MAP4K3: variants seen among roughly 807,000 people sequenced by gnomAD.
MAP4K3 encodes the protein mitogen-activated protein kinase kinase kinase kinase 3.
MAP4K3 carries 94 observed loss-of-function variants against 143.5 expected under a neutral mutation model. The ratio of observed to expected loss-of-function variants is 0.65; its 90% CI spans 0.55 to 0.78. The LOEUF (loss-of-function observed/expected upper bound fraction) is 0.78, where lower values mean the gene tolerates loss of function less well. Ranked by LOEUF, MAP4K3 falls within the 30% of genes least tolerant of loss-of-function variation. MAP4K3 has a pLI of 0.00. For missense variants in MAP4K3, 1,077 were observed against 1,068.1 expected (o/e 1.01, Z -0.12); for synonymous variants, 416 against 347.2 (o/e 1.20, Z -2.20).
intron 12 of MAP4K3, among the ~76,000 whole-genome samples, chr2:39,325,294 GC>G (rs1168716062): frequency 6.6e-6 from 1 of 152,118 alleles, no homozygotes; most frequent in African/African-American, 2.4e-5. Context: ...ATATGCCTTT[GC>G]CATTTTCACA....
intron 17 of MAP4K3, 152 bp downstream of exon 17, chr2:39,293,078 C>T (rs1050035573): frequency 2.8e-6 from 2 of 714,376 alleles, no homozygotes; most frequent in African/African-American, 3.6e-5. Context: ...GATCATACCA[C>T]TGCAATCCAG....
Position 39,356,359 on chromosome 2 carries a change from T to C in MAP4K3, c.155-20A>G, listed in dbSNP as rs1227029193. 7.2e-7 allele frequency: 1 copy of C among 1,384,800 alleles called. No homozygotes were observed. Among genetic ancestry groups the C allele is most frequent in the East Asian group, 2.3e-5 (1 of 43,390 alleles). 85.8% of individuals were successfully genotyped at this position (1,384,800 alleles called of 1,614,324 possible). A position where few individuals can be genotyped will look rare whatever the true frequency, so the allele number is the denominator to read the frequency against. On this transcript the variant is annotated intron_variant, in intron 2 of 33. Coordinates refer to ENST00000263881, the MANE Select transcript of MAP4K3 (RefSeq NM_003618.4). The stretch of plus-strand genomic sequence containing the variant: ...CTTCTCCTGGAATAAAAAACAAGCA[T>C]GTTGAATATTTAGAGGTAAGTTTCA...
At position 39,418,202 on chromosome 2, in the gene MAP4K3, C is replaced by CA. The variant is rs60060164; in HGVS notation, c.96+18689dup. Among the ~76,000 whole-genome samples, 600 of 113,038 alleles carry CA rather than the reference C, an allele frequency of 5.3e-3. 8 individuals are homozygous for CA. The highest frequency in any genetic ancestry group is 0.019 in the African/African-American group (581 of 30,940). 74.2% of individuals were successfully genotyped at this position (113,038 alleles called of 152,430 possible). A position where few individuals can be genotyped will look rare whatever the true frequency, so the allele number is the denominator to read the frequency against. ...CTGGTAACAGAACAAGACTCCGTCT[C>CA]AAAAAAAAAAAAAAAACAAATGATG... On this transcript the variant is annotated intron_variant, in intron 1 of 33. Transcript: ENST00000263881.
chr2:39,314,480 T>G (rs763444391), intron 13 of MAP4K3, among the ~76,000 whole-genome samples: 4 of 152,222 alleles, frequency 2.6e-5, no homozygotes, highest in Non-Finnish European at 5.9e-5. Flanking sequence ...AAACGTGACT[T>G]CAGCAGGAGC....
chr2:39,337,752 GTTT>G (rs570853243), intron 4 of MAP4K3, among the ~76,000 whole-genome samples, 171 bp from the exon 5 acceptor site: 1 of 70,512 alleles, frequency 1.4e-5, no homozygotes, highest in African/African-American at 6.1e-5. Flanking sequence ...CCTGGCTCCA[GTTT>G]TTTTTTTTTT....
intron 13 of MAP4K3, among the ~76,000 whole-genome samples, chr2:39,312,553 C>A (rs1682977496): frequency 6.6e-6 from 1 of 152,046 alleles, no homozygotes; most frequent in Admixed American, 6.5e-5. Flanking sequence ...GAATATTTAG[C>A]AATAGGAGGC....
rs1427460897 is a variant in MAP4K3 at position 39,362,629 on chromosome 2, G to A, written c.155-6290C>T. On this transcript the variant is annotated intron_variant, in intron 2 of 33. Transcript: ENST00000263881. Reference sequence around the variant, plus strand: ...TTAAAATGTTCGTACTACCCAATGCGATCTACAAATTCAATGTAATCTGGA... The same window carrying A: ...TTAAAATGTTCGTACTACCCAATGCAATCTACAAATTCAATGTAATCTGGA... 3.3e-5 allele frequency among the ~76,000 whole-genome samples: 5 copies of A among 152,112 alleles called. No homozygotes were observed. The East Asian group carries it at 9.6e-4, about 29-fold the overall frequency.
intron 2 of MAP4K3, among the ~76,000 whole-genome samples, chr2:39,357,726 T>C (rs1207816465): frequency 1.3e-5 from 2 of 152,238 alleles, no homozygotes; most frequent in East Asian, 3.8e-4. Context: ...CCTGATTTTC[T>C]GTATATTAGA....
intron 1 of MAP4K3, among the ~76,000 whole-genome samples, chr2:39,398,119 A>C (rs1259046115): frequency 6.6e-6 from 1 of 152,224 alleles, no homozygotes; most frequent in Non-Finnish European, 1.5e-5. Flanking sequence ...TTCACCTAGC[A>C]AACACCCTTC....
At chr2:39,406,908 G>A (rs1667112381) in intron 1 of MAP4K3, among the ~76,000 whole-genome samples, 1 of 152,148 alleles carries the variant, frequency 6.6e-6, no homozygotes, top group Non-Finnish European at 1.5e-5. Flanking sequence ...ATTGAGGCTA[G>A]CATTATTCTG....
chr2:39,264,581 A>G (rs1223933721), intron 28 of MAP4K3, among the ~76,000 whole-genome samples: 2 of 152,198 alleles, frequency 1.3e-5, no homozygotes, highest in Non-Finnish European at 1.5e-5. Flanking sequence ...CACTCAGTCC[A>G]TATATAATAG....
chr2:39,258,109 T>G (rs557310950), intron 31 of MAP4K3, among the ~76,000 whole-genome samples: 1 of 152,234 alleles, frequency 6.6e-6, no homozygotes, highest in East Asian at 1.9e-4. Context: ...TTTTTGTATT[T>G]TTAGTAGACA....
intron 1 of MAP4K3, among the ~76,000 whole-genome samples, chr2:39,432,809 G>A (rs571205314): frequency 6.6e-6 from 1 of 152,030 alleles, no homozygotes; most frequent in African/African-American, 2.4e-5. Context: ...AGCTTTCACA[G>A]ACACTTTAAA....
At chr2:39,374,956 C>G (rs1666178196) in intron 2 of MAP4K3, among the ~76,000 whole-genome samples, 1 of 152,070 alleles carries the variant, frequency 6.6e-6, no homozygotes, top group Admixed American at 6.5e-5. Flanking sequence ...AAATGGAAGA[C>G]TAGCCATCAA....
intron 1 of MAP4K3, among the ~76,000 whole-genome samples, chr2:39,428,639 G>A (rs1404370730): frequency 6.6e-6 from 1 of 151,744 alleles, no homozygotes; most frequent in Non-Finnish European, 1.5e-5. Context: ...TCATGCCATC[G>A]CACTCCAACC....
rs10185836 is a variant in MAP4K3 at position 39,356,422 on chromosome 2, T to C, written c.155-83A>G. The stretch of plus-strand genomic sequence containing the variant: ...ATTTCAAAACACAATAAAATAATTA[T>C]ACGTATTAATAAGTATAACATAATT... On this transcript the variant is annotated intron_variant, in intron 2 of 33. Coordinates refer to ENST00000263881, the MANE Select transcript of MAP4K3 (RefSeq NM_003618.4). The C allele has an allele frequency of 1.1e-3, 841 of 738,320 alleles. 6 individuals are homozygous for C. In the African/African-American group the frequency reaches 0.012, roughly 10 times the overall value. 45.7% of individuals were successfully genotyped at this position (738,320 alleles called of 1,614,324 possible).
chr2:39,400,781 CA>C (rs1408624425), intron 1 of MAP4K3, among the ~76,000 whole-genome samples: 1 of 152,094 alleles, frequency 6.6e-6, no homozygotes, highest in East Asian at 1.9e-4. Context: ...ATGAGTAATA[CA>C]GTAATTTTCA....
intron 2 of MAP4K3, 115 bp downstream of exon 2, chr2:39,377,951 T>C (rs570658413): frequency 1.4e-6 from 1 of 697,758 alleles, no homozygotes; most frequent in Admixed American, 2.9e-5. Context: ...AGCAGCTCTA[T>C]TTATCCCAGA....
At chr2:39,376,696 T>C (rs1209298458) in intron 2 of MAP4K3, among the ~76,000 whole-genome samples, 3 of 152,194 alleles carry the variant, frequency 2.0e-5, no homozygotes, top group Non-Finnish European at 4.4e-5. Context: ...GGAGTCATCT[T>C]AATTAGACCC....
Sources: gnomAD v4.1 joint callset for allele counts (sites outside exome capture counted in the v4.1 genomes callset) on GRCh38, gnomAD v4.1.1 for gene constraint, MANE v1.5 for transcripts, NCBI Gene and HGNC (gene_info 2026-07-23, HGNC 2026-07-21) for gene names.